Variants in CFAP61 observed in about 807,000 individuals in gnomAD.
The protein encoded by CFAP61 is cilia and flagella associated protein 61.
Under a neutral mutation model 135.6 loss-of-function variants are expected in CFAP61, and 107 were observed. The observed-to-expected ratio is 0.79, with a 90% confidence interval of 0.67 to 0.93. CFAP61 has a LOEUF of 0.93. Among genes scored for constraint, CFAP61 ranks in the 40% least tolerant of loss-of-function variants. CFAP61 has a pLI of 0.00. For synonymous variants in CFAP61, 575 were observed against 578.5 expected, an observed-to-expected ratio of 0.99 and a Z score of 0.09; for missense variants, 1,507 against 1,556.2, an observed-to-expected ratio of 0.97 and a Z score of 0.53.
At chr20:20,322,307 T>C (rs2057556928) in intron 25 of CFAP61, among the ~76,000 whole-genome samples, 1 of 152,180 alleles carries the variant, frequency 6.6e-6, no homozygotes, top group South Asian at 2.1e-4. Context: ...AATACATAAC[T>C]GAAATGCTCG....
At chr20:20,217,676 G>A (rs748858974) in intron 17 of CFAP61, among the ~76,000 whole-genome samples, 104 of 152,358 alleles carry the variant, frequency 6.8e-4, no homozygotes, top group Non-Finnish European at 1.4e-3. Context: ...TTCCCTGGGG[G>A]AACAGAAGTT....
rs78035685 is a variant in CFAP61, at chr20:20,265,985, C to T, written c.2503+2855C>T. Among the ~76,000 whole-genome samples, 853 of 152,236 alleles carry T rather than the reference C, an allele frequency of 5.6e-3. 12 individuals carry two copies. Among genetic ancestry groups the T allele is most frequent in the African/African-American group, 0.02 (833 of 41,524 alleles). On this transcript the variant is annotated intron_variant, in intron 21 of 26. Coordinates refer to ENST00000245957, the MANE Select transcript of CFAP61 (RefSeq NM_015585.4). ...GCAGAGGAGGCCTAGGACAGAAAGC[C>T]CGTCCCCACCTGAGCCAAGAACCAA... is the stretch of plus-strand genomic sequence containing the variant.
At chr20:20,151,375 A>G (rs1009763039) in intron 9 of CFAP61, among the ~76,000 whole-genome samples, 1 of 152,040 alleles carries the variant, frequency 6.6e-6, no homozygotes, top group African/African-American at 2.4e-5. Context: ...AAAAATGAAC[A>G]AAGCCTCCAA....
At chr20:20,187,881 A>T (rs779399505) in intron 13 of CFAP61, 49 bp from the exon 14 acceptor site, 35 of 1,441,192 alleles carry the variant, frequency 2.4e-5, no homozygotes, top group Non-Finnish European at 3.4e-5. Flanking sequence ...TTTGGGGGGA[A>T]TACATATTTA....
intron 25 of CFAP61, among the ~76,000 whole-genome samples, chr20:20,336,308 A>C (rs977935783): frequency 5.3e-5 from 8 of 152,214 alleles, no homozygotes; most frequent in African/African-American, 1.7e-4. Flanking sequence ...GACAAGACAA[A>C]AGTAATTATT....
Position 20,076,880 on chromosome 20 carries a change from G to A in CFAP61, c.566+1265G>A, listed in dbSNP as rs374711260. Among the ~76,000 whole-genome samples the A allele has an allele frequency of 1.1e-4, 17 of 152,088 alleles. 1 individual carries two copies. The highest frequency in any genetic ancestry group is 3.1e-4 in the African/African-American group (13 of 41,402). On this transcript the variant is annotated intron_variant, in intron 6 of 26. Transcript: ENST00000245957. ...CTTACAAAAGGAACGTGACATCTGC[G>A]GGGGTGTAAGTTCCCTCTGTCAGTG...
chr20:20,358,124 G>A (rs2059329980), intron 26 of CFAP61, among the ~76,000 whole-genome samples: 2 of 145,774 alleles, frequency 1.4e-5, no homozygotes, highest in African/African-American at 5.2e-5. Context: ...TGTGAGGGGT[G>A]GTAGTCACAC....
intron 8 of CFAP61, among the ~76,000 whole-genome samples, chr20:20,118,253 GTTTCTTTC>G (rs148875515): frequency 0.033 from 4,504 of 138,546 alleles, 112 homozygotes; most frequent in African/African-American, 0.061. Context: ...TTTGAGGTAT[GTTTCTTTC>G]TTTCTTTCTT....
chr20:20,283,164 G>A (rs1280330845), intron 22 of CFAP61, among the ~76,000 whole-genome samples: 6 of 152,066 alleles, frequency 3.9e-5, no homozygotes, highest in Admixed American at 1.3e-4. Flanking sequence ...CTATTATTGT[G>A]GAAGTCTCTG....
In CFAP61 at chr20:20,091,024, G is replaced by T. The variant is rs548054904; in HGVS notation, c.699+48G>T. On this transcript the variant is annotated intron_variant, in intron 7 of 26. Transcript: ENST00000245957. ...AACACACTTAGTGAGAGGAAGGAGG[G>T]ATGTGAGTGGTGTTGCTCTTGCGTT... The T allele has an allele frequency of 1.9e-5, 31 of 1,603,868 alleles. No individual in the cohort carries two copies. In the South Asian group the frequency reaches 3.2e-4, roughly 17 times the overall value.
At chr20:20,159,248 A>G (rs781569723) in intron 9 of CFAP61, 122 bp from the exon 10 acceptor site, 57 of 803,232 alleles carry the variant, frequency 7.1e-5, no homozygotes, top group Admixed American at 2.6e-4. Flanking sequence ...AATTTTCCCA[A>G]TGCCACAAGG....
At chr20:20,212,075 A>G (rs1254920910) in intron 17 of CFAP61, among the ~76,000 whole-genome samples, 1 of 152,230 alleles carries the variant, frequency 6.6e-6, no homozygotes, top group Non-Finnish European at 1.5e-5. Flanking sequence ...ATTTGTTTGC[A>G]GACAACATCG....
intron 17 of CFAP61, among the ~76,000 whole-genome samples, chr20:20,202,136 C>T (rs1031219233): frequency 3.9e-5 from 6 of 152,102 alleles, no homozygotes; most frequent in Non-Finnish European, 7.4e-5. Flanking sequence ...ATTGAGTAAC[C>T]TTTTCCATGT....
intron 15 of CFAP61, among the ~76,000 whole-genome samples, chr20:20,193,100 A>G (rs988381488): frequency 6.6e-6 from 1 of 152,150 alleles, no homozygotes; most frequent in African/African-American, 2.4e-5. Flanking sequence ...GATTCTTTGG[A>G]TAAGAGAACC....
chr20:20,327,357 A>G (rs1351496012), intron 25 of CFAP61, among the ~76,000 whole-genome samples: 1 of 152,204 alleles, frequency 6.6e-6, no homozygotes, highest in Non-Finnish European at 1.5e-5. Context: ...GACAATGAAC[A>G]AGTAATTTTT....
intron 17 of CFAP61, chr20:20,221,865 A>T (rs2048425915): frequency 6.6e-6 from 1 of 152,230 alleles, no homozygotes; most frequent in African/African-American, 2.4e-5. Context: ...AACAATAAGC[A>T]TTCATTTCAA....
At chr20:20,287,884 T>C (rs1013747844) in intron 22 of CFAP61, among the ~76,000 whole-genome samples, 3 of 152,184 alleles carry the variant, frequency 2.0e-5, no homozygotes, top group African/African-American at 7.2e-5. Flanking sequence ...TGAGAAAGCA[T>C]TGAAATTTGA....
chr20:20,281,338 C>G (rs2147050322), intron 22 of CFAP61, among the ~76,000 whole-genome samples: 2 of 152,278 alleles, frequency 1.3e-5, no homozygotes, highest in Middle Eastern at 6.8e-3. Flanking sequence ...CCAGAGAGAA[C>G]TTTCAGGCTT....
Position 20,228,403 on chromosome 20 carries a change from T to C in CFAP61, c.2060+27T>C, listed in dbSNP as rs371078647. ...TGAGTTGTTTCACTCTATTGATTGATTGGTTTTTAAATAATAAAAATTATC... is the reference window on the plus strand; with the variant it reads ...TGAGTTGTTTCACTCTATTGATTGACTGGTTTTTAAATAATAAAAATTATC... On this transcript the variant is annotated intron_variant, in intron 18 of 26. Coordinates refer to ENST00000245957, the MANE Select transcript of CFAP61 (RefSeq NM_015585.4). 2.5e-6 allele frequency: 4 copies of C among 1,580,792 alleles called. No homozygotes were observed. The African/African-American group carries it at 5.4e-5, about 21-fold the overall frequency.
Sources: allele counts gnomAD v4.1 joint callset (sites outside exome capture counted in the v4.1 genomes callset), GRCh38; gene constraint gnomAD v4.1.1; transcripts MANE v1.5; gene names NCBI Gene and HGNC (gene_info 2026-07-23, HGNC 2026-07-21).